Variants in EIPR1 observed in about 807,000 individuals in gnomAD.
The protein encoded by EIPR1 is EARP and GARP complex-interacting protein 1.
A neutral mutation model predicts 48.1 loss-of-function variants in EIPR1; 25 were observed. The observed-to-expected ratio is 0.52, with a 90% confidence interval of 0.38 to 0.73. The LOEUF (loss-of-function observed/expected upper bound fraction) is 0.73. Among genes scored for constraint, EIPR1 ranks in the 30% least tolerant of loss-of-function variants. The pLI, the probability that EIPR1 is intolerant of heterozygous loss-of-function variation, is 0.00. For missense variants in EIPR1, 415 were observed against 506.2 expected (o/e 0.82, Z 1.73); for synonymous variants, 204 against 201.9 (o/e 1.01, Z -0.09).
intron 6 of EIPR1, among the ~76,000 whole-genome samples, chr2:3,195,531 T>C (rs1033090006): frequency 1.3e-5 from 2 of 152,236 alleles, no homozygotes; most frequent in Admixed American, 6.5e-5. Context: ...CTTTGCAATA[T>C]CTTAATATTT....
chr2:3,220,512 G>C (rs577133280), intron 4 of EIPR1, among the ~76,000 whole-genome samples: 1 of 152,254 alleles, frequency 6.6e-6, no homozygotes, highest in African/African-American at 2.4e-5. Context: ...AGCATTTATA[G>C]AGTCAGGTGC....
intron 3 of EIPR1, among the ~76,000 whole-genome samples, chr2:3,294,573 G>T (rs868361254): frequency 1.3e-5 from 1 of 77,340 alleles, no homozygotes; most frequent in Non-Finnish European, 2.4e-5. Context: ...CCATCCAGCC[G>T]ATCCTCTGCA....
intron 3 of EIPR1, among the ~76,000 whole-genome samples, chr2:3,332,722 T>C (rs1373659479): frequency 6.6e-6 from 1 of 152,252 alleles, no homozygotes; most frequent in African/African-American, 2.4e-5. Context: ...AGAGTTCAAG[T>C]TCTTTTTTAA....
chr2:3,287,356 A>G (rs1018578067), intron 3 of EIPR1, among the ~76,000 whole-genome samples: 7 of 151,688 alleles, frequency 4.6e-5, no homozygotes, highest in African/African-American at 1.7e-4. Context: ...CGCTCCAGAA[A>G]GCTCGTTCAC....
intron 3 of EIPR1, among the ~76,000 whole-genome samples, chr2:3,311,735 G>A (rs550610626): frequency 6.6e-6 from 1 of 151,508 alleles, no homozygotes; most frequent in East Asian, 2.0e-4. Flanking sequence ...GTGGGCGGCA[G>A]CTCCAGTCCC....
At chr2:3,219,778 A>T (rs1665806780) in intron 4 of EIPR1, among the ~76,000 whole-genome samples, 1 of 152,208 alleles carries the variant, frequency 6.6e-6, no homozygotes, top group Non-Finnish European at 1.5e-5. Flanking sequence ...TTTCACAGTG[A>T]GTCAGGTGCA....
intron 8 of EIPR1, 48 bp downstream of exon 8, chr2:3,192,366 C>A: frequency 6.6e-7 from 1 of 1,517,024 alleles, no homozygotes; most frequent in Middle Eastern, 1.8e-4. Flanking sequence ...GCTGTGCAGA[C>A]AGGAGGCTCT....
rs148472276 is a variant in EIPR1 at position 3,211,871 on chromosome 2, C to T, written c.516+2278G>A. On this transcript the variant is annotated intron_variant, in intron 5 of 8. Transcript: ENST00000382125. The stretch of plus-strand genomic sequence containing the variant: ...GCGAAGATGAATGAGCACACACAGA[C>T]ACAGGACGGCCATCCCTCTACCCTC... Among the ~76,000 whole-genome samples the T allele has an allele frequency of 2.0e-5, 3 of 152,254 alleles. No individual in the cohort carries two copies. In the South Asian group the frequency reaches 6.2e-4, roughly 31 times the overall value.
chr2:3,214,292 A>C, intron 4 of EIPR1, 44 bp from the exon 5 acceptor site: 1 of 1,574,006 alleles, frequency 6.4e-7, no homozygotes, highest in Non-Finnish European at 8.7e-7. Context: ...AACATTTGAG[A>C]TACCCAGGCT....
Position 3,312,657 on chromosome 2 carries a change from G to A in EIPR1, c.259+25360C>T, listed in dbSNP as rs1669164285. 6.6e-6 allele frequency among the ~76,000 whole-genome samples: 1 copy of A among 152,214 alleles called. No homozygotes were observed. Among genetic ancestry groups the A allele is most frequent in the African/African-American group, 2.4e-5 (1 of 41,450 alleles). The stretch of plus-strand genomic sequence containing the variant: ...AAGGACCCACGATGCCACTGCCTCT[G>A]TGCTCAGGGGATAACGGCGGGGTGG... On this transcript the variant is annotated intron_variant, in intron 3 of 8. Coordinates refer to ENST00000382125, the MANE Select transcript of EIPR1 (RefSeq NM_003310.5). The surrounding 1 kb of genome is among the most constrained non-coding windows in gnomAD (Gnocchi z 5.5).
intron 4 of EIPR1, among the ~76,000 whole-genome samples, chr2:3,248,311 G>A (rs1053225391): frequency 2.0e-5 from 3 of 152,204 alleles, no homozygotes; most frequent in African/African-American, 7.2e-5. Flanking sequence ...AGCCGGGCAT[G>A]AGCTGGGTGC....
At chr2:3,353,241 C>A (rs1670632360) in intron 2 of EIPR1, 1 of 471,048 alleles carries the variant, frequency 2.1e-6, no homozygotes, top group South Asian at 1.5e-5. Flanking sequence ...GGTCTTGGAA[C>A]ACATCCCCTG....
At chr2:3,257,002 C>T (rs759831847) in intron 4 of EIPR1, among the ~76,000 whole-genome samples, 7 of 152,168 alleles carry the variant, frequency 4.6e-5, no homozygotes, top group Non-Finnish European at 8.8e-5. Context: ...AGCCACACAG[C>T]GCTCGAGGGC....
At chr2:3,219,881 C>A (rs1398673784) in intron 4 of EIPR1, among the ~76,000 whole-genome samples, 3 of 152,182 alleles carry the variant, frequency 2.0e-5, no homozygotes, top group Non-Finnish European at 4.4e-5. Context: ...AGTTCCCAAC[C>A]CCCAGACTGT....
At chr2:3,344,548 C>T (rs1670344670) in intron 2 of EIPR1, among the ~76,000 whole-genome samples, 1 of 151,668 alleles carries the variant, frequency 6.6e-6, no homozygotes, top group East Asian at 1.9e-4. Flanking sequence ...CTTTGTATAT[C>T]TGGGCCCCTC....
chr2:3,304,183 G>A (rs1017941995), intron 3 of EIPR1, among the ~76,000 whole-genome samples: 4 of 152,156 alleles, frequency 2.6e-5, no homozygotes, highest in Admixed American at 6.5e-5. Context: ...CCCACGGAGC[G>A]CCACGCAAGG....
At chr2:3,197,598 G>A (rs1664856145) in intron 5 of EIPR1, among the ~76,000 whole-genome samples, 1 of 152,184 alleles carries the variant, frequency 6.6e-6, no homozygotes, top group Non-Finnish European at 1.5e-5. Context: ...AAGAGGGTGG[G>A]GCCCAGTTGT....
intron 1 of EIPR1, among the ~76,000 whole-genome samples, chr2:3,356,728 T>C (rs1406337767): frequency 6.6e-6 from 1 of 152,164 alleles, no homozygotes; most frequent in Non-Finnish European, 1.5e-5. Context: ...CAGAAAACCT[T>C]CCCTGGCTGT....
chr2:3,328,250 G>A (rs925823670), intron 3 of EIPR1, among the ~76,000 whole-genome samples: 4 of 152,200 alleles, frequency 2.6e-5, no homozygotes, highest in Non-Finnish European at 5.9e-5. Context: ...CCCTCTCTAA[G>A]GACCATTTCC....
Sources: allele counts gnomAD v4.1 joint callset (sites outside exome capture counted in the v4.1 genomes callset), GRCh38; gene constraint gnomAD v4.1.1; non-coding constraint Gnocchi (gnomAD v3.1); transcripts MANE v1.5; gene names NCBI Gene and HGNC (gene_info 2026-07-23, HGNC 2026-07-21).